Variants in PTPDC1 observed in about 807,000 individuals in gnomAD.
PTPDC1 encodes protein tyrosine phosphatase domain containing 1.
Under a neutral mutation model 75.3 loss-of-function variants are expected in PTPDC1, and 53 were observed. The ratio of observed to expected loss-of-function variants is 0.70; its 90% confidence interval spans 0.56 to 0.88. PTPDC1 has a LOEUF of 0.88. Among genes scored for constraint, PTPDC1 ranks in the 40% least tolerant of loss-of-function variants. The pLI is 0.00. For synonymous variants in PTPDC1, 349 were observed against 366.2 expected (o/e 0.95, Z 0.54); for missense variants, 925 against 998.6 (o/e 0.93, Z 0.99).
rs1827698507 is a variant in PTPDC1 at position 94,098,375 on chromosome 9, G to A, written c.1809G>A (p.Leu603=). The A allele has an allele frequency of 6.2e-7, 1 of 1,614,172 alleles. No individual in the cohort carries two copies. The highest frequency in any genetic ancestry group is 1.7e-5 in the Admixed American group (1 of 60,016). ...RQNSRTPRSP[L]DCGSSPKAQF... Reference sequence around the variant, plus strand: ...ACAGCAGGACACCCCGAAGCCCTCTGGACTGTGGCTCCAGTCCCAAAGCAC... The same window carrying A: ...ACAGCAGGACACCCCGAAGCCCTCTAGACTGTGGCTCCAGTCCCAAAGCAC... The change falls in exon 6 of 9, where the codon CTG becomes CTA. Residue 603 remains leucine, a synonymous_variant. Coordinates refer to ENST00000620992, the MANE Select transcript of PTPDC1 (RefSeq NM_001253829.2).
Position 94,072,618 on chromosome 9 carries a change from G to A in PTPDC1, c.82+7797G>A, listed in dbSNP as rs554003578. On this transcript the variant is annotated intron_variant, in intron 2 of 9. Coordinates refer to the PTPDC1 transcript ENST00000375360. ...GTCTTTGCCTTCTTCCTGACCATAG[G>A]GAGAAGGCATTCAGTCTTTCACCTT... Among the ~76,000 whole-genome samples, 3 of 152,114 alleles carry A rather than the reference G, an allele frequency of 2.0e-5. No individual in the cohort carries two copies. The East Asian group carries it at 5.8e-4, about 29-fold the overall frequency.
chr9:94,065,645 C>T (rs1356026560), intron 2 of PTPDC1, among the ~76,000 whole-genome samples: 1 of 152,238 alleles, frequency 6.6e-6, no homozygotes, highest in Non-Finnish European at 1.5e-5. Context: ...CGTTCTCTCT[C>T]ATCAAGAAAA....
chr9:94,079,228 G>C (rs577571896), intron 2 of PTPDC1, among the ~76,000 whole-genome samples: 6 of 152,258 alleles, frequency 3.9e-5, no homozygotes, highest in African/African-American at 1.4e-4. Flanking sequence ...TGAAGCCTCT[G>C]ATGTGACTCC....
intron 2 of PTPDC1, among the ~76,000 whole-genome samples, chr9:94,086,794 T>C (rs1165852412): frequency 1.3e-5 from 2 of 152,316 alleles, no homozygotes; most frequent in East Asian, 3.9e-4. Context: ...TGCCATTTTA[T>C]CAATGAAAGA....
intron 2 of PTPDC1, among the ~76,000 whole-genome samples, chr9:94,066,094 A>G (rs1375692156): frequency 6.6e-6 from 1 of 152,160 alleles, no homozygotes; most frequent in Non-Finnish European, 1.5e-5. Context: ...TAAGACATAT[A>G]GCATCTCTGA....
rs1826333552 is a variant in PTPDC1, at chr9:94,067,089, G to A, written c.82+2268G>A. Among the ~76,000 whole-genome samples, 3 of 151,972 alleles carry A rather than the reference G, an allele frequency of 2.0e-5. No homozygotes were observed. In the South Asian group the frequency reaches 6.2e-4, roughly 32 times the overall value. On this transcript the variant is annotated intron_variant, in intron 2 of 9. Transcript: ENST00000375360. ...CAAACTCAAGGCATCGCGTCATTTT[G>A]TTAAATAACCACATCATTGGCTGGG...
At chr9:94,043,231 A>G (rs1825483715) in intron 1 of PTPDC1, among the ~76,000 whole-genome samples, 1 of 152,078 alleles carries the variant, frequency 6.6e-6, no homozygotes, top group Non-Finnish European at 1.5e-5. Flanking sequence ...CATCCTTGCC[A>G]CTTTGATATT....
chr9:94,079,744 G>T (rs942294160), upstream of PTPDC1, among the ~76,000 whole-genome samples: 1 of 152,302 alleles, frequency 6.6e-6, no homozygotes, highest in Non-Finnish European at 1.5e-5. Context: ...TCTCCTTCTG[G>T]CTGAAGTCTA....
At chr9:94,059,201 G>C (rs1826053993) in intron 1 of PTPDC1, among the ~76,000 whole-genome samples, 1 of 152,158 alleles carries the variant, frequency 6.6e-6, no homozygotes, top group Non-Finnish European at 1.5e-5. Context: ...CAGATTATAT[G>C]TGTATATGTA....
intron 1 of PTPDC1, among the ~76,000 whole-genome samples, chr9:94,048,898 G>T (rs533160249): frequency 6.6e-6 from 1 of 152,144 alleles, no homozygotes; most frequent in African/African-American, 2.4e-5. Flanking sequence ...CCTGTATTGG[G>T]TGTATATATG....
At position 94,097,402 on chromosome 9, in the gene PTPDC1, C is replaced by T. The variant is rs768987235; in HGVS notation, c.836C>T (p.Pro279Leu). ...ATTATATTTGTGCGGGCAAAGCGAC[C>T]CAATTCCATACAAACCAGAGGACAG... ...QAIIFVRAKR[P>L]NSIQTRGQLL... Residue 279 changes from proline (P) to leucine (L), a missense_variant, in exon 6 of 9, where the codon CCC (proline) becomes CTC (leucine). Coordinates refer to ENST00000620992, the MANE Select transcript of PTPDC1 (RefSeq NM_001253829.2). 3 of 1,614,014 alleles carry T rather than the reference C, an allele frequency of 1.9e-6. No homozygotes were observed. Among genetic ancestry groups the T allele is most frequent in the Non-Finnish European group, 1.7e-6 (2 of 1,179,994 alleles).
intron 2 of PTPDC1, chr9:94,064,896 A>C: frequency 1.9e-6 from 2 of 1,066,520 alleles, no homozygotes; most frequent in Non-Finnish European, 2.8e-6. Context: ...ATGAATGGAC[A>C]CAAAAGAAAA....
chr9:94,091,261 T>A (rs1414130451), intron 4 of PTPDC1, among the ~76,000 whole-genome samples: 1 of 152,228 alleles, frequency 6.6e-6, no homozygotes, highest in African/African-American at 2.4e-5. Context: ...GTCCCATCAA[T>A]GCCTAATTTA....
At chr9:94,033,908 T>C (rs1829774614) in intron 1 of PTPDC1, among the ~76,000 whole-genome samples, 1 of 151,920 alleles carries the variant, frequency 6.6e-6, no homozygotes, top group Non-Finnish European at 1.5e-5. Flanking sequence ...TTGCTCTCTA[T>C]GACCAAAGTC....
At chr9:94,081,251 A>G (rs1232907669), upstream of PTPDC1, among the ~76,000 whole-genome samples, 1 of 152,168 alleles carries the variant, frequency 6.6e-6, no homozygotes, top group Non-Finnish European at 1.5e-5. Flanking sequence ...CAGCCTCCCA[A>G]AGTGCTGGGA....
intron 1 of PTPDC1, among the ~76,000 whole-genome samples, chr9:94,036,057 G>C (rs1825260369): frequency 8.0e-6 from 1 of 125,382 alleles, no homozygotes; most frequent in Non-Finnish European, 1.6e-5. Flanking sequence ...CTACTGAGTT[G>C]TATGAGTTCC....
rs150943932 is a variant in PTPDC1, at chr9:94,099,622, G to A, written c.2013+1043G>A. On this transcript the variant is annotated intron_variant, in intron 6 of 8. Coordinates refer to ENST00000620992, the MANE Select transcript of PTPDC1 (RefSeq NM_001253829.2). ...TGTTTCGCCTATCCAATAGTTAAAT[G>A]TATTGCTTTCTTCCAAAATGAATTG... Among the ~76,000 whole-genome samples the A allele has an allele frequency of 2.4e-3, 373 of 152,360 alleles. 3 individuals are homozygous for A. Among genetic ancestry groups the A allele is most frequent in the African/African-American group, 8.7e-3 (361 of 41,576 alleles).
At chr9:94,049,726 C>T (rs532159255) in intron 1 of PTPDC1, among the ~76,000 whole-genome samples, 4 of 152,074 alleles carry the variant, frequency 2.6e-5, no homozygotes, top group Admixed American at 2.6e-4. Flanking sequence ...ATCTTTGTGG[C>T]GTTCTCTGTA....
chr9:94,073,357 C>T (rs1826578214), intron 2 of PTPDC1, among the ~76,000 whole-genome samples: 1 of 152,104 alleles, frequency 6.6e-6, no homozygotes, highest in South Asian at 2.1e-4. Context: ...GATGCCAGAT[C>T]TGTAGTGATA....
Sources: allele counts gnomAD v4.1 joint callset (sites outside exome capture counted in the v4.1 genomes callset), GRCh38; gene constraint gnomAD v4.1.1; transcripts MANE v1.5; gene names NCBI Gene and HGNC (gene_info 2026-07-23, HGNC 2026-07-21).